The following PTK2 variants were observed in gnomAD, a reference collection of about 807,000 sequenced individuals.
The protein encoded by PTK2 is protein tyrosine kinase 2, also known as focal adhesion kinase 1.
Under a neutral mutation model 150.1 loss-of-function variants are expected in PTK2, and 45 were observed. The observed-to-expected ratio is 0.30, with a 90% CI of 0.24 to 0.38. PTK2 has a LOEUF of 0.38. PTK2 is among the 10% of genes least tolerant of loss of function. The pLI, the probability that PTK2 is intolerant of heterozygous loss-of-function variation, is 1.00. For missense variants in PTK2, 919 were observed against 1,307.3 expected, an observed-to-expected ratio of 0.70 and a Z score of 4.58; for synonymous variants, 432 against 449.2, an observed-to-expected ratio of 0.96 and a Z score of 0.48.
chr8:140,822,527 G>C (rs1236498260), intron 8 of PTK2: 1 of 152,126 alleles, frequency 6.6e-6, no homozygotes, highest in Non-Finnish European at 1.5e-5. Flanking sequence ...GTAACAACGA[G>C]GGGGTACAAG....
At chr8:140,687,304 C>T (rs1230955626) in intron 26 of PTK2, among the ~76,000 whole-genome samples, 1 of 152,168 alleles carries the variant, frequency 6.6e-6, no homozygotes, top group East Asian at 1.9e-4. Context: ...GGTTACGGGC[C>T]TTCTACCACA....
At chr8:140,965,671 G>A (rs1280373257) in intron 1 of PTK2, among the ~76,000 whole-genome samples, 1 of 152,194 alleles carries the variant, frequency 6.6e-6, no homozygotes, top group East Asian at 1.9e-4. Context: ...GAGATCAGGA[G>A]TTCGAGACCA....
chr8:140,852,189 G>C (rs1326644145), intron 5 of PTK2, among the ~76,000 whole-genome samples: 1 of 152,284 alleles, frequency 6.6e-6, no homozygotes, highest in East Asian at 1.9e-4. Flanking sequence ...TGGATACAAC[G>C]GTGAAGAAGA....
intron 20 of PTK2, among the ~76,000 whole-genome samples, chr8:140,739,619 C>T (rs1020667314): frequency 6.6e-6 from 1 of 152,180 alleles, no homozygotes; most frequent in Non-Finnish European, 1.5e-5. Flanking sequence ...TTACAATCTT[C>T]ACTCATAAAA....
intron 22 of PTK2, chr8:140,734,981 C>A (rs954012168): frequency 4.0e-6 from 2 of 500,560 alleles, no homozygotes; most frequent in Non-Finnish European, 7.2e-6. Flanking sequence ...TAAGTTATTA[C>A]GGGTCTTGTA....
chr8:140,925,229 T>A (rs1009255428), intron 2 of PTK2, among the ~76,000 whole-genome samples: 1 of 152,184 alleles, frequency 6.6e-6, no homozygotes, highest in Non-Finnish European at 1.5e-5. Context: ...TAAAAAAAAA[T>A]TATTATTCAT....
chr8:140,731,032 C>T (rs1279231977), intron 22 of PTK2, among the ~76,000 whole-genome samples: 2 of 143,360 alleles, frequency 1.4e-5, no homozygotes, highest in Non-Finnish European at 3.0e-5. Context: ...AATACCGGCT[C>T]ACTGCAACCT....
intron 5 of PTK2, among the ~76,000 whole-genome samples, chr8:140,864,110 T>C (rs1343344655): frequency 6.6e-6 from 1 of 152,242 alleles, no homozygotes; most frequent in Non-Finnish European, 1.5e-5. Flanking sequence ...AGTTATCTTT[T>C]AAGATTTGCT....
chr8:140,843,918 C>T (rs1243638105), intron 7 of PTK2, among the ~76,000 whole-genome samples: 1 of 151,714 alleles, frequency 6.6e-6, no homozygotes, highest in Non-Finnish European at 1.5e-5. Flanking sequence ...TTTTTCTGTT[C>T]CAACATCATA....
At chr8:140,825,961 G>A (rs986959690) in intron 8 of PTK2, among the ~76,000 whole-genome samples, 10 of 152,122 alleles carry the variant, frequency 6.6e-5, no homozygotes, top group African/African-American at 2.4e-4. Flanking sequence ...AGTAATTGAG[G>A]CACATATATC....
In PTK2 at chr8:140,898,162, A is replaced by T. The variant is rs185841186; in HGVS notation, c.-32-7393T>A. ...ATTTCTAGAAAAAAGAAGTTTTTTT[A>T]AAAAAAGACATACCTAAGCCAAGCA... On this transcript the variant is annotated intron_variant, in intron 2 of 31. Coordinates refer to ENST00000522684, the Ensembl canonical transcript of PTK2. 1.9e-3 allele frequency among the ~76,000 whole-genome samples: 284 copies of T among 152,258 alleles called. 1 individual carries two copies. The highest frequency in any genetic ancestry group is 6.6e-3 in the African/African-American group (274 of 41,548).
intron 16 of PTK2, among the ~76,000 whole-genome samples, chr8:140,759,986 G>A (rs1326104987): frequency 6.6e-6 from 1 of 152,140 alleles, no homozygotes; most frequent in Non-Finnish European, 1.5e-5. Context: ...CACTTTGGGA[G>A]GCCGAGGCAG....
At chr8:140,732,734 T>C (rs769761749) in intron 22 of PTK2, 31 of 336,600 alleles carry the variant, frequency 9.2e-5, no homozygotes, top group Non-Finnish European at 1.7e-4. Flanking sequence ...TCGAACTGAA[T>C]TGAACACGGG....
At chr8:140,767,723 T>G (rs1378199316) in intron 14 of PTK2, among the ~76,000 whole-genome samples, 1 of 152,218 alleles carries the variant, frequency 6.6e-6, no homozygotes, top group African/African-American at 2.4e-5. Context: ...TGGACTCAAG[T>G]GTAATCCCAG....
chr8:140,732,327 C>T (rs756608791), intron 22 of PTK2, among the ~76,000 whole-genome samples: 1 of 152,146 alleles, frequency 6.6e-6, no homozygotes, highest in Non-Finnish European at 1.5e-5. Context: ...TGCTCAACTA[C>T]CTGTGCTAGT....
chr8:140,911,465 A>G (rs2100163125), intron 2 of PTK2, among the ~76,000 whole-genome samples: 1 of 152,212 alleles, frequency 6.6e-6, no homozygotes, highest in African/African-American at 2.4e-5. Flanking sequence ...TTTGCAAAAT[A>G]GAAAAATGCT....
chr8:140,704,828 G>C (rs2100032754), intron 24 of PTK2, among the ~76,000 whole-genome samples: 1 of 152,100 alleles, frequency 6.6e-6, no homozygotes, highest in African/African-American at 2.4e-5. Flanking sequence ...AAAGGGCCCT[G>C]TGAGCTCCTT....
intron 2 of PTK2, among the ~76,000 whole-genome samples, chr8:140,900,475 A>T (rs955234153): frequency 6.6e-5 from 10 of 152,144 alleles, no homozygotes; most frequent in African/African-American, 2.4e-4. Flanking sequence ...TAATCCCAGC[A>T]CTTTGGGAGG....
At chr8:140,928,353 G>C (rs1436593809) in intron 1 of PTK2, among the ~76,000 whole-genome samples, 1 of 152,134 alleles carries the variant, frequency 6.6e-6, no homozygotes, top group Non-Finnish European at 1.5e-5. Context: ...GTGTATTGTT[G>C]GTGGGAATGT....
Sources: allele counts gnomAD v4.1 joint callset (sites outside exome capture counted in the v4.1 genomes callset), GRCh38; gene constraint gnomAD v4.1.1; transcripts MANE v1.5; gene names NCBI Gene and HGNC (gene_info 2026-07-23, HGNC 2026-07-21).